Variants in TANGO6 observed in about 807,000 individuals in gnomAD.
TANGO6 encodes the protein transport and Golgi organization protein 6 homolog.
TANGO6 carries 90 observed loss-of-function variants against 114.2 expected under a neutral mutation model. The ratio of observed to expected loss-of-function variants is 0.79; its 90% CI spans 0.66 to 0.94. The LOEUF is 0.94. Ranked by LOEUF, TANGO6 falls within the 40% of genes least tolerant of loss-of-function variation. The pLI is 0.00. For synonymous variants in TANGO6, 477 were observed against 509.8 expected, an observed-to-expected ratio of 0.94 and a Z score of 0.87; for missense variants, 1,274 against 1,315.3, an observed-to-expected ratio of 0.97 and a Z score of 0.49.
At chr16:68,870,293 C>A (rs1254541714) in intron 4 of TANGO6, among the ~76,000 whole-genome samples, 1 of 152,158 alleles carries the variant, frequency 6.6e-6, no homozygotes, top group African/African-American at 2.4e-5. Flanking sequence ...AAGAATAAAT[C>A]TTGACTTCAT....
At chr16:69,033,367 G>C (rs1191221113) in intron 16 of TANGO6, among the ~76,000 whole-genome samples, 1 of 152,158 alleles carries the variant, frequency 6.6e-6, no homozygotes, top group South Asian at 2.1e-4. Context: ...GTGAGCATCT[G>C]TTATCTGGCA....
At position 68,849,852 on chromosome 16, in the gene TANGO6, G is replaced by T. The variant is rs78268642; in HGVS notation, c.94+6141G>T. 8.1e-3 allele frequency among the ~76,000 whole-genome samples: 1,226 copies of T among 151,770 alleles called. 15 individuals carry two copies. The highest frequency in any genetic ancestry group is 0.026 in the African/African-American group (1,087 of 41,408). On this transcript the variant is annotated intron_variant, in intron 1 of 17. Coordinates refer to ENST00000261778, the MANE Select transcript of TANGO6 (RefSeq NM_024562.2). ...TTCTAACATTTCATTATGAAAATTT[G>T]AAATTATGAAGCTGACAGAAAAGTT...
intron 15 of TANGO6, among the ~76,000 whole-genome samples, chr16:69,005,940 A>G (rs957340730): frequency 1.3e-5 from 2 of 152,206 alleles, no homozygotes; most frequent in African/African-American, 4.8e-5. Flanking sequence ...GAAACTTTTA[A>G]ATAATACTAA....
chr16:68,905,265 G>A (rs886703354), intron 9 of TANGO6, among the ~76,000 whole-genome samples: 1 of 151,926 alleles, frequency 6.6e-6, no homozygotes, highest in South Asian at 2.1e-4. Flanking sequence ...GCTGGGCGCA[G>A]TGGCTCACGC....
chr16:68,881,890 T>C (rs1962466722), intron 7 of TANGO6, among the ~76,000 whole-genome samples: 1 of 152,194 alleles, frequency 6.6e-6, no homozygotes, highest in African/African-American at 2.4e-5. Flanking sequence ...CTTATGCCTA[T>C]AATTCTAGCA....
intron 5 of TANGO6, 40 bp downstream of exon 5, chr16:68,875,330 T>G: frequency 6.3e-7 from 1 of 1,597,126 alleles, no homozygotes; most frequent in Non-Finnish European, 8.6e-7. Flanking sequence ...GAGGATTATC[T>G]GCTTATTTAC....
At chr16:68,868,081 C>G (rs1247167263) in intron 4 of TANGO6, 1 of 149,436 alleles carries the variant, frequency 6.7e-6, no homozygotes, top group Non-Finnish European at 1.5e-5. Context: ...GAGTTCGAGG[C>G]TATAGTGAGC....
At chr16:69,013,894 G>A (rs1218163174) in intron 15 of TANGO6, among the ~76,000 whole-genome samples, 4 of 152,058 alleles carry the variant, frequency 2.6e-5, no homozygotes, top group Non-Finnish European at 4.4e-5. Context: ...CTGAGCTCAG[G>A]CAATCTGCCT....
intron 11 of TANGO6, among the ~76,000 whole-genome samples, chr16:68,913,465 G>T (rs144519856): frequency 0.013 from 1,836 of 144,752 alleles, 44 homozygotes; most frequent in African/African-American, 0.045. Context: ...CTGGAGTGCA[G>T]CAGCGCAATC....
intron 12 of TANGO6, among the ~76,000 whole-genome samples, chr16:68,923,265 G>T (rs974106631): frequency 3.9e-5 from 6 of 152,070 alleles, no homozygotes; most frequent in Admixed American, 6.5e-5. Flanking sequence ...GCCTGCTTAG[G>T]TCATGTTTTT....
Position 68,862,956 on chromosome 16 carries a change from A to G in TANGO6, c.747A>G (p.Glu249=). 6.3e-7 allele frequency: 1 copy of G among 1,593,170 alleles called. No individual in the cohort carries two copies. Residue 249 remains glutamate, a synonymous_variant, in exon 3 of 18, where the codon GAA becomes GAG. Transcript: ENST00000261778. ...CATATTTCTTTTAGGTTCTAACTGA[A>G]GAGGAGAGAACCCTATCCAGGGGGG... ...LLTPAEEVLT[E]EERTLSRGAL...
At chr16:69,032,721 A>C (rs565886520) in intron 16 of TANGO6, among the ~76,000 whole-genome samples, 132 of 152,228 alleles carry the variant, frequency 8.7e-4, no homozygotes, top group African/African-American at 2.9e-3. Flanking sequence ...TACTAAAAAT[A>C]CAAAAAATTA....
At chr16:68,939,658 TC>T (rs779451959) in intron 14 of TANGO6, among the ~76,000 whole-genome samples, 3 of 151,250 alleles carry the variant, frequency 2.0e-5, no homozygotes, top group Non-Finnish European at 2.9e-5. Context: ...AGGGAACACA[TC>T]TTTCCACATA....
Position 68,875,208 on chromosome 16 carries a change from G to A in TANGO6, c.1049G>A (p.Cys350Tyr). 1 of 1,613,772 alleles carries A rather than the reference G, an allele frequency of 6.2e-7. No homozygotes were observed. Among genetic ancestry groups the A allele is most frequent in the Non-Finnish European group, 8.5e-7 (1 of 1,179,782 alleles). ...GTGACGGCTGCTGACTGGAAGAAGT[G>A]TGACCTGATCGCAAAGATTTTGGCC... ...AEVTAADWKK[C>Y]DLIAKILASC... Residue 350 changes from cysteine (C) to tyrosine (Y), a missense_variant, in exon 5 of 18, where the codon TGT becomes TAT. Cys to Tyr is a radical substitution (Grantham distance 194, BLOSUM62 -2). Around this residue, in one of 5 missense-constraint regions of TANGO6, gnomAD observed 908 missense variants for 910.2 expected, o/e 1.00. Coordinates refer to ENST00000261778, the MANE Select transcript of TANGO6 (RefSeq NM_024562.2).
intron 4 of TANGO6, among the ~76,000 whole-genome samples, chr16:68,870,788 C>G (rs1962254091): frequency 1.3e-5 from 2 of 150,102 alleles, no homozygotes; most frequent in Admixed American, 1.3e-4. Flanking sequence ...TGTAGGTCTA[C>G]TGGCAATGAA....
At chr16:68,986,162 C>A (rs906997971) in intron 15 of TANGO6, among the ~76,000 whole-genome samples, 1 of 152,170 alleles carries the variant, frequency 6.6e-6, no homozygotes, top group African/African-American at 2.4e-5. Flanking sequence ...AAGACAAGTT[C>A]CAGTTTACTC....
chr16:68,904,386 A>G (rs750233870), intron 9 of TANGO6, among the ~76,000 whole-genome samples: 7 of 152,300 alleles, frequency 4.6e-5, no homozygotes, highest in Non-Finnish European at 8.8e-5. Flanking sequence ...TTAACATAGA[A>G]TGTTGTGGAG....
At chr16:68,980,409 CTATATATATA>C (rs1231646458) in intron 15 of TANGO6, among the ~76,000 whole-genome samples, 2 of 68,012 alleles carry the variant, frequency 2.9e-5, no homozygotes, top group African/African-American at 6.6e-5. Flanking sequence ...CTCTCTCTCT[CTATATATATA>C]TATATATATA....
intron 14 of TANGO6, among the ~76,000 whole-genome samples, chr16:68,942,922 G>C (rs1486443555): frequency 7.0e-6 from 1 of 143,106 alleles, no homozygotes; most frequent in Non-Finnish European, 1.5e-5. Flanking sequence ...TTTTTTTTGA[G>C]ACAGGGTCTG....
Sources: allele counts gnomAD v4.1 joint callset (sites outside exome capture counted in the v4.1 genomes callset), GRCh38; gene constraint gnomAD v4.1.1; regional missense constraint gnomAD v4.1.1; transcripts MANE v1.5; gene names NCBI Gene and HGNC (gene_info 2026-07-23, HGNC 2026-07-21).